IL1RAPL1: variants seen among roughly 807,000 people sequenced by gnomAD.
IL1RAPL1 encodes interleukin 1 receptor accessory protein like 1.
Under a neutral mutation model 48.4 loss-of-function variants are expected in IL1RAPL1, and 3 were observed. The observed-to-expected ratio is 0.06, with a 90% CI of 0.03 to 0.16. The LOEUF (loss-of-function observed/expected upper bound fraction) is 0.16. IL1RAPL1 is among the 10% of genes least tolerant of loss of function. The pLI is 1.00. For synonymous variants in IL1RAPL1, 185 were observed against 187.7 expected, an observed-to-expected ratio of 0.99 and a Z score of 0.12; for missense variants, 349 against 530.6, an observed-to-expected ratio of 0.66 and a Z score of 3.36.
At chrX:28,853,480 T>TGC (rs34116040) in intron 2 of IL1RAPL1, among the ~76,000 whole-genome samples, 55,371 of 103,692 alleles carry the variant, frequency 0.53, 11,875 homozygotes, top group African/African-American at 0.83. Context: ...CCTCAGTGCA[T>TGC]GTGTGTGCGC....
chrX:29,850,499 G>A (rs1931340757), intron 6 of IL1RAPL1, among the ~76,000 whole-genome samples: 1 of 112,451 alleles, frequency 8.9e-6, no homozygotes, highest in Non-Finnish European at 1.9e-5. Context: ...CAAAGAGCAA[G>A]AACATGTGAT....
chrX:28,642,634 G>A (rs1934559966), intron 1 of IL1RAPL1, among the ~76,000 whole-genome samples: 1 of 111,839 alleles, frequency 8.9e-6, no homozygotes, highest in South Asian at 3.7e-4. Context: ...CAACTTACTA[G>A]AATCTCTGGG....
At chrX:29,436,526 T>G (rs1432467386) in intron 5 of IL1RAPL1, among the ~76,000 whole-genome samples, 1 of 107,922 alleles carries the variant, frequency 9.3e-6, no homozygotes, top group Non-Finnish European at 1.9e-5. Flanking sequence ...TATAAACATC[T>G]TATAATAATT....
At position 29,052,829 on chromosome X, in the gene IL1RAPL1, G is replaced by A. The variant is rs1357227518; in HGVS notation, c.83-230109G>A. Reference sequence around the variant, plus strand: ...TGGGATTACAGGCACCTGCCACCACGCCCGGCTAATTTTTGTATTTTTTAG... The same window carrying A: ...TGGGATTACAGGCACCTGCCACCACACCCGGCTAATTTTTGTATTTTTTAG... On this transcript the variant is annotated intron_variant, in intron 2 of 10. Coordinates refer to ENST00000378993, the MANE Select transcript of IL1RAPL1 (RefSeq NM_014271.4). 6.3e-5 allele frequency among the ~76,000 whole-genome samples: 7 copies of A among 110,794 alleles called. No homozygotes were observed. In the East Asian group the frequency reaches 1.1e-3, roughly 18 times the overall value.
At chrX:28,992,362 T>C (rs1266236658) in intron 2 of IL1RAPL1, among the ~76,000 whole-genome samples, 2 of 109,110 alleles carry the variant, frequency 1.8e-5, no homozygotes, top group African/African-American at 6.7e-5. Flanking sequence ...TGGTGGCACA[T>C]GCCTGTAATC....
At chrX:28,591,111 T>C (rs1933903780) in intron 1 of IL1RAPL1, among the ~76,000 whole-genome samples, 1 of 111,980 alleles carries the variant, frequency 8.9e-6, no homozygotes, top group African/African-American at 3.2e-5. Flanking sequence ...TTTTCTATTT[T>C]ATTTCCATTT....
chrX:29,364,562 C>CAAAAAAAAAAAAA (rs766680904), intron 3 of IL1RAPL1, among the ~76,000 whole-genome samples: 3 of 43,577 alleles, frequency 6.9e-5, no homozygotes, highest in African/African-American at 2.7e-4. Context: ...GACTCTATCT[C>CAAAAAAAAAAAAA]AAAAAAAAAA....
At chrX:29,574,500 T>C (rs1329872320) in intron 5 of IL1RAPL1, 1 of 110,237 alleles carries the variant, frequency 9.1e-6, no homozygotes, top group Non-Finnish European at 1.9e-5. Context: ...AAGTCCGCAG[T>C]CTGAAGTCTC....
intron 2 of IL1RAPL1, among the ~76,000 whole-genome samples, chrX:29,002,916 TACACACACAC>T (rs371924976): frequency 6.8e-5 from 7 of 103,005 alleles, no homozygotes; most frequent in South Asian, 4.5e-4. Flanking sequence ...GTTATGTGTG[TACACACACAC>T]ACACACACAC....
intron 6 of IL1RAPL1, among the ~76,000 whole-genome samples, chrX:29,850,669 C>T (rs1022507392): frequency 2.7e-5 from 3 of 112,299 alleles, no homozygotes; most frequent in African/African-American, 9.7e-5. Context: ...TATTGCTGCT[C>T]GTGGGGACAG....
At chrX:29,504,799 G>A (rs1050472154) in intron 5 of IL1RAPL1, among the ~76,000 whole-genome samples, 11 of 111,944 alleles carry the variant, frequency 9.8e-5, no homozygotes, top group Non-Finnish European at 1.5e-4. Flanking sequence ...GCAGCTTTAT[G>A]CCTTTTAATT....
At chrX:29,447,872 C>T (rs151055067) in intron 5 of IL1RAPL1, among the ~76,000 whole-genome samples, 2,654 of 111,745 alleles carry the variant, frequency 0.024, 25 homozygotes, top group Non-Finnish European at 0.036. Flanking sequence ...AAGGAGAATA[C>T]CTAGCATGTA....
chrX:29,536,736 T>G (rs2147780982), intron 5 of IL1RAPL1, among the ~76,000 whole-genome samples: 1 of 109,482 alleles, frequency 9.1e-6, no homozygotes, highest in African/African-American at 3.3e-5. Context: ...AAGGAAATAG[T>G]TATCAAGTAT....
At chrX:29,622,279 A>G (rs1159642084) in intron 5 of IL1RAPL1, among the ~76,000 whole-genome samples, 2 of 112,065 alleles carry the variant, frequency 1.8e-5, no homozygotes, top group African/African-American at 6.5e-5. Context: ...TGTGGATCAA[A>G]TCTCTGTGGT....
chrX:29,724,692 C>T (rs7881819), intron 6 of IL1RAPL1, among the ~76,000 whole-genome samples: 11,801 of 111,395 alleles, frequency 0.11, 535 homozygotes, highest in Middle Eastern at 0.29. Context: ...ATTAACAGCA[C>T]GTTGAAAAAC....
At chrX:28,717,658 A>T (rs1447895771) in intron 1 of IL1RAPL1, among the ~76,000 whole-genome samples, 1 of 111,555 alleles carries the variant, frequency 9.0e-6, no homozygotes, top group Admixed American at 9.6e-5. Context: ...ATAAAAGAAT[A>T]AAAAAAATCG....
chrX:29,213,397 C>A (rs1263583659), intron 2 of IL1RAPL1, among the ~76,000 whole-genome samples: 1 of 112,688 alleles, frequency 8.9e-6, no homozygotes, highest in African/African-American at 3.2e-5. Flanking sequence ...TGAAAATCAG[C>A]ACTTTCTACC....
chrX:29,920,029 A>G lies in IL1RAPL1; in HGVS notation c.992A>G (p.Asn331Ser). 2 of 1,210,115 alleles carry G rather than the reference A, an allele frequency of 1.7e-6. No homozygotes were observed. Among genetic ancestry groups the G allele is most frequent in the Non-Finnish European group, 2.2e-6 (2 of 894,006 alleles). ...TCTGTGGAAGAAGGTGACTTGGGAA[A>G]TTACTCCTGTTATGTTGAAAATGGA... ...VDSVEEGDLGNYSCYVENGNG... is the reference protein window; with the variant it reads ...VDSVEEGDLGSYSCYVENGNG... Residue 331 changes from asparagine (N) to serine (S), a missense_variant, in exon 8 of 11, where the codon AAT (asparagine) becomes AGT (serine). Physicochemically the swap from Asn to Ser is conservative, Grantham distance 46 (BLOSUM62 1). Transcript: ENST00000378993.
At chrX:29,752,518 T>C (rs1376856594) in intron 6 of IL1RAPL1, among the ~76,000 whole-genome samples, 3 of 97,092 alleles carry the variant, frequency 3.1e-5, no homozygotes, top group Non-Finnish European at 6.1e-5. Flanking sequence ...AAAAAAAGAC[T>C]TGATAGACAT....
Sources: gnomAD v4.1 joint callset for allele counts (sites outside exome capture counted in the v4.1 genomes callset) on GRCh38, gnomAD v4.1.1 for gene constraint, MANE v1.5 for transcripts, NCBI Gene and HGNC (gene_info 2026-07-23, HGNC 2026-07-21) for gene names.